The following TNR variants were observed in gnomAD, a reference collection of about 807,000 sequenced individuals.
The protein encoded by TNR is tenascin R.
A neutral mutation model predicts 150.4 loss-of-function variants in TNR; 45 were observed. That is an observed-to-expected ratio of 0.30 (90% CI 0.24 to 0.38). The LOEUF is 0.38. Among genes scored for constraint, TNR ranks in the 10% least tolerant of loss-of-function variants. The pLI is 1.00. For missense variants in TNR, 1,544 were observed against 1,759.1 expected (o/e 0.88, Z 2.19); for synonymous variants, 687 against 678.4 (o/e 1.01, Z -0.20).
intron 1 of TNR, among the ~76,000 whole-genome samples, chr1:175,704,540 C>G (rs1008095128): frequency 2.0e-5 from 3 of 152,210 alleles, no homozygotes; most frequent in Non-Finnish European, 4.4e-5. Flanking sequence ...CCTGATCTGC[C>G]AGGAGAGAAG....
intron 1 of TNR, among the ~76,000 whole-genome samples, chr1:175,570,393 A>G (rs1412929253): frequency 6.6e-6 from 1 of 152,168 alleles, no homozygotes; most frequent in Admixed American, 6.5e-5. Flanking sequence ...GAGGCTAAAA[A>G]AGGCAGCTGT....
At chr1:175,569,280 C>T (rs1450348930) in intron 1 of TNR, among the ~76,000 whole-genome samples, 1 of 152,194 alleles carries the variant, frequency 6.6e-6, no homozygotes, top group Non-Finnish European at 1.5e-5. Flanking sequence ...TTCAAGAGTG[C>T]TCTCCACTAG....
intron 2 of TNR, among the ~76,000 whole-genome samples, chr1:175,450,439 G>C (rs1283917952): frequency 6.6e-6 from 1 of 152,202 alleles, no homozygotes; most frequent in East Asian, 1.9e-4. Flanking sequence ...CTCCTCCAGG[G>C]AGACCTCCCT....
chr1:175,670,285 G>A (rs1011906366), intron 1 of TNR, among the ~76,000 whole-genome samples: 4 of 152,182 alleles, frequency 2.6e-5, no homozygotes, highest in African/African-American at 9.7e-5. Context: ...ATCACATCAG[G>A]ATCTGGTCAT....
intron 1 of TNR, among the ~76,000 whole-genome samples, chr1:175,641,079 C>A (rs1234984690): frequency 1.3e-5 from 2 of 152,004 alleles, no homozygotes; most frequent in African/African-American, 4.8e-5. Flanking sequence ...TAAAAGAACT[C>A]AAAGTGCTGA....
intron 1 of TNR, among the ~76,000 whole-genome samples, chr1:175,546,203 C>T (rs2102194261): frequency 1.3e-5 from 2 of 152,292 alleles, no homozygotes; most frequent in African/African-American, 4.8e-5. Context: ...CACTTGTGCT[C>T]ATGATGTGCC....
chr1:175,598,471 C>T (rs1260115461), intron 1 of TNR, among the ~76,000 whole-genome samples: 1 of 152,210 alleles, frequency 6.6e-6, no homozygotes, highest in Non-Finnish European at 1.5e-5. Flanking sequence ...TGCAGGAATT[C>T]AGGCAATACA....
intron 7 of TNR, among the ~76,000 whole-genome samples, chr1:175,389,244 C>T (rs995992585): frequency 5.9e-5 from 9 of 152,194 alleles, no homozygotes; most frequent in African/African-American, 2.2e-4. Context: ...ATCTGCAGTC[C>T]TCCCATCTCC....
At position 175,316,066 on chromosome 1, in the gene TNR, T is replaced by TG. The variant is rs1000381383; in HGVS notation, c.*7290dup. The stretch of plus-strand genomic sequence containing the variant: ...CCACACTGGAATGGAACCAGTGTTC[T>TG]GGGGTTCTTTCTTGGGGAGATCTAT... On this transcript the variant is annotated 3_prime_UTR_variant, in exon 23 of 23. Coordinates refer to ENST00000367674, the MANE Select transcript of TNR (RefSeq NM_003285.3). The TG allele has an allele frequency of 6.6e-6, 1 of 152,234 alleles. No individual in the cohort carries two copies. The highest frequency in any genetic ancestry group is 1.5e-5 in the Non-Finnish European group (1 of 68,038). 9.4% of individuals were successfully genotyped at this position (152,234 alleles called of 1,614,324 possible).
At chr1:175,544,450 A>G (rs1660612509) in intron 1 of TNR, among the ~76,000 whole-genome samples, 1 of 152,228 alleles carries the variant, frequency 6.6e-6, no homozygotes, top group Admixed American at 6.5e-5. Flanking sequence ...TGATTTAAAC[A>G]TTTGGGTTAA....
At chr1:175,368,441 C>A (rs747206112) in intron 9 of TNR, among the ~76,000 whole-genome samples, 2 of 152,226 alleles carry the variant, frequency 1.3e-5, no homozygotes, top group Non-Finnish European at 2.9e-5. Context: ...CTCCCTACAT[C>A]CACTTATGAA....
chr1:175,481,683 T>TTGGC (rs896830891), intron 2 of TNR, among the ~76,000 whole-genome samples: 2 of 152,136 alleles, frequency 1.3e-5, no homozygotes, highest in Admixed American at 6.5e-5. Flanking sequence ...GGATTGACCA[T>TTGGC]TGGCTAAATG....
At chr1:175,545,829 C>T (rs1660664340) in intron 1 of TNR, among the ~76,000 whole-genome samples, 1 of 152,152 alleles carries the variant, frequency 6.6e-6, no homozygotes, top group South Asian at 2.1e-4. Flanking sequence ...ACTACCATGC[C>T]AGGTTGCCTC....
rs539239329 is a variant in TNR, at chr1:175,732,793, T to C, written c.-165+10433A>G. ...CTTTGTGTCTTGGTTTCCTCACCTGTGAAAAGGGGTTAATAACAGCACCTC... is the reference window on the plus strand; with the variant it reads ...CTTTGTGTCTTGGTTTCCTCACCTGCGAAAAGGGGTTAATAACAGCACCTC... On this transcript the variant is annotated intron_variant, in intron 1 of 22. Transcript: ENST00000367674. Among the ~76,000 whole-genome samples, 22 of 152,290 alleles carry C rather than the reference T, an allele frequency of 1.4e-4. No individual in the cohort carries two copies. In the South Asian group the frequency reaches 4.4e-3, roughly 30 times the overall value.
chr1:175,462,517 C>A (rs1238514941), intron 2 of TNR, among the ~76,000 whole-genome samples: 1 of 152,198 alleles, frequency 6.6e-6, no homozygotes, highest in Non-Finnish European at 1.5e-5. Flanking sequence ...CCTCATTATG[C>A]ACAATTTAAT....
chr1:175,391,516 T>G, intron 6 of TNR, 78 bp from the exon 7 acceptor site: 1 of 1,471,222 alleles, frequency 6.8e-7, no homozygotes, highest in Non-Finnish European at 9.2e-7. Context: ...GATAAAGGTG[T>G]GGAATACTAA....
chr1:175,663,039 C>T (rs559582320), intron 1 of TNR, among the ~76,000 whole-genome samples: 1 of 152,200 alleles, frequency 6.6e-6, no homozygotes, highest in South Asian at 2.1e-4. Flanking sequence ...ATGTAACATC[C>T]TCAGCATAGC....
chr1:175,469,211 G>A (rs1472709310), intron 2 of TNR, among the ~76,000 whole-genome samples: 1 of 152,130 alleles, frequency 6.6e-6, no homozygotes, highest in East Asian at 1.9e-4. Context: ...TGGAAGAGAT[G>A]CACCTTGTTC....
At chr1:175,557,782 A>C (rs1412537362) in intron 1 of TNR, among the ~76,000 whole-genome samples, 2 of 135,442 alleles carry the variant, frequency 1.5e-5, no homozygotes, top group Non-Finnish European at 3.2e-5. Context: ...GTATATATCC[A>C]AATGACTATA....
Sources: allele counts gnomAD v4.1 joint callset (sites outside exome capture counted in the v4.1 genomes callset), GRCh38; gene constraint gnomAD v4.1.1; transcripts MANE v1.5; gene names NCBI Gene and HGNC (gene_info 2026-07-23, HGNC 2026-07-21).